Variants in SWAP70 observed in about 807,000 individuals in gnomAD.
The protein encoded by SWAP70 is switching B cell complex subunit SWAP70.
Under a neutral mutation model 80.2 loss-of-function variants are expected in SWAP70, and 34 were observed. The observed-to-expected ratio is 0.42, with a 90% CI of 0.32 to 0.56. SWAP70 has a LOEUF of 0.56. SWAP70 is among the 20% of genes least tolerant of loss of function. SWAP70 has a pLI of 0.09. For synonymous variants in SWAP70, 239 were observed against 238.5 expected (o/e 1.00, Z -0.02); for missense variants, 578 against 690.7 (o/e 0.84, Z 1.83).
chr11:9,738,720 G>A (rs1359266597), intron 8 of SWAP70, among the ~76,000 whole-genome samples: 4 of 150,112 alleles, frequency 2.7e-5, no homozygotes, highest in African/African-American at 9.8e-5. Flanking sequence ...AATTAGCCAG[G>A]CCTGTTGGTA....
chr11:9,697,733 T>G (rs1394153971), intron 2 of SWAP70, among the ~76,000 whole-genome samples: 4 of 152,260 alleles, frequency 2.6e-5, no homozygotes, highest in African/African-American at 9.6e-5. Context: ...TCTTTCTTTG[T>G]GTGTATGCAC....
intron 1 of SWAP70, among the ~76,000 whole-genome samples, chr11:9,671,931 T>A (rs1442647838): frequency 7.2e-5 from 8 of 110,884 alleles, no homozygotes; most frequent in Non-Finnish European, 9.8e-5. Flanking sequence ...TATAATTATA[T>A]TTTATAATAT....
rs1851606725 is a variant in SWAP70, at chr11:9,752,709, G to C, written c.*2739G>C. 1 of 152,212 alleles carries C rather than the reference G, an allele frequency of 6.6e-6. No individual in the cohort carries two copies. The highest frequency in any genetic ancestry group is 1.9e-4 in the East Asian group (1 of 5,188). 9.4% of individuals were successfully genotyped at this position (152,212 alleles called of 1,614,324 possible). ...CATCAGGTGTTTTCCTTAATAAGTA[G>C]GGATATGATCATTTACAGGAATTAT... is the stretch of plus-strand genomic sequence containing the variant. On this transcript the variant is annotated 3_prime_UTR_variant, in exon 12 of 12. Coordinates refer to ENST00000318950, the MANE Select transcript of SWAP70 (RefSeq NM_015055.4).
chr11:9,731,881 G>A (rs909989527), intron 6 of SWAP70, among the ~76,000 whole-genome samples: 3 of 152,200 alleles, frequency 2.0e-5, no homozygotes, highest in Admixed American at 6.5e-5. Context: ...TTTGAATAAT[G>A]TGAAAGTGTT....
intron 3 of SWAP70, among the ~76,000 whole-genome samples, chr11:9,714,868 A>G (rs554888415): frequency 3.7e-4 from 54 of 146,850 alleles, no homozygotes; most frequent in African/African-American, 1.3e-3. Context: ...GCTGTAGTGC[A>G]ATGGCGCAAT....
intron 3 of SWAP70, among the ~76,000 whole-genome samples, chr11:9,722,655 A>G (rs1851154675): frequency 6.6e-6 from 1 of 152,140 alleles, no homozygotes; most frequent in East Asian, 1.9e-4. Flanking sequence ...ATACCAATTA[A>G]CTGGGTCGAG....
In SWAP70 at chr11:9,750,301, G is replaced by A. The variant is rs202047029; in HGVS notation, c.*331G>A. On this transcript the variant is annotated 3_prime_UTR_variant, in exon 12 of 12. Coordinates refer to ENST00000318950, the MANE Select transcript of SWAP70 (RefSeq NM_015055.4). ...GGTTGCAGCGAGCTGAGATCATGCC[G>A]TTGTACTCCAGCTTGGGCAACAGAG... is the stretch of plus-strand genomic sequence containing the variant. The A allele has an allele frequency of 9.4e-5, 18 of 191,192 alleles. No homozygotes were observed. Among genetic ancestry groups the A allele is most frequent in the East Asian group, 2.5e-4 (2 of 7,984 alleles). 11.8% of individuals were successfully genotyped at this position (191,192 alleles called of 1,614,324 possible). A position where few individuals can be genotyped will look rare whatever the true frequency, so the allele number is the denominator to read the frequency against.
chr11:9,747,184 A>T (rs1255645155), intron 9 of SWAP70, among the ~76,000 whole-genome samples: 1 of 152,240 alleles, frequency 6.6e-6, no homozygotes, highest in Non-Finnish European at 1.5e-5. Flanking sequence ...GTTAAAATCC[A>T]TTATAACCTG....
intron 4 of SWAP70, among the ~76,000 whole-genome samples, chr11:9,725,785 C>T (rs370019519): frequency 1.4e-4 from 21 of 151,620 alleles, no homozygotes; most frequent in East Asian, 7.8e-4. Context: ...TTGGCCAGGA[C>T]GGTCTCGATC....
chr11:9,710,737 T>A (rs1850986368), intron 2 of SWAP70, among the ~76,000 whole-genome samples: 1 of 151,430 alleles, frequency 6.6e-6, no homozygotes, highest in Admixed American at 6.6e-5. Flanking sequence ...TGGAGTGCAG[T>A]GGCATGATCA....
chr11:9,708,041 C>T (rs12272107), intron 2 of SWAP70, among the ~76,000 whole-genome samples: 50,339 of 151,888 alleles, frequency 0.33, 8,584 homozygotes, highest in Non-Finnish European at 0.36. Context: ...CCATTTATCC[C>T]TGGATGGACA....
At chr11:9,675,797 T>C (rs4548612) in intron 1 of SWAP70, among the ~76,000 whole-genome samples, 99,612 of 151,806 alleles carry the variant, frequency 0.66, 33,030 homozygotes, top group South Asian at 0.83. Flanking sequence ...GGGAGCTCTG[T>C]CTCTCTGGCT....
At chr11:9,718,988 T>G (rs574169770) in intron 3 of SWAP70, among the ~76,000 whole-genome samples, 1 of 148,268 alleles carries the variant, frequency 6.7e-6, no homozygotes, top group South Asian at 2.1e-4. Context: ...AAGTCTCAGC[T>G]ACTCGGGAGG....
intron 3 of SWAP70, among the ~76,000 whole-genome samples, chr11:9,717,294 G>A (rs918136866): frequency 6.6e-6 from 1 of 152,206 alleles, no homozygotes; most frequent in Non-Finnish European, 1.5e-5. Flanking sequence ...CCCAGTGGTG[G>A]TTTTAAAACC....
chr11:9,719,926 A>G (rs1053320731), intron 3 of SWAP70: 1 of 221,020 alleles, frequency 4.5e-6, no homozygotes, highest in African/African-American at 2.3e-5. Flanking sequence ...GATGATAGAG[A>G]AAGCATTTTT....
At chr11:9,670,730 AT>A (rs1167417323) in intron 1 of SWAP70, among the ~76,000 whole-genome samples, 2 of 151,936 alleles carry the variant, frequency 1.3e-5, no homozygotes, top group Non-Finnish European at 2.9e-5. Context: ...TTGAGAGTTA[AT>A]TTTTTATTAT....
chr11:9,740,713 C>T (rs1384597096), intron 9 of SWAP70: 2 of 306,788 alleles, frequency 6.5e-6, no homozygotes, highest in African/African-American at 2.2e-5. Flanking sequence ...CATTGGTATG[C>T]AGGCAGAGGC....
At chr11:9,705,830 T>C (rs1342109191) in intron 2 of SWAP70, among the ~76,000 whole-genome samples, 18 of 66,452 alleles carry the variant, frequency 2.7e-4, no homozygotes, top group African/African-American at 1.2e-3. Flanking sequence ...GTGATCTGTG[T>C]ATACTTGGTG....
chr11:9,666,234 C>T (rs373724248), intron 1 of SWAP70, among the ~76,000 whole-genome samples: 7 of 151,526 alleles, frequency 4.6e-5, no homozygotes, highest in East Asian at 1.9e-4. Flanking sequence ...TGCAGGTGTG[C>T]GTCACCACAC....
Sources: gnomAD v4.1 joint callset for allele counts (sites outside exome capture counted in the v4.1 genomes callset) on GRCh38, gnomAD v4.1.1 for gene constraint, MANE v1.5 for transcripts, NCBI Gene and HGNC (gene_info 2026-07-23, HGNC 2026-07-21) for gene names.